The following TMEM232 variants were observed in gnomAD, a reference collection of about 807,000 sequenced individuals.
TMEM232 encodes the protein transmembrane protein 232.
A neutral mutation model predicts 78.8 loss-of-function variants in TMEM232; 80 were observed. The observed-to-expected ratio is 1.01, with a 90% CI of 0.85 to 1.22. The LOEUF is 1.22. TMEM232 is among the 50% of genes most tolerant of loss of function. The probability of loss-of-function intolerance (pLI) is 0.00; values close to 1 mark genes in which losing one functional copy is unlikely to be tolerated. For synonymous variants in TMEM232, 297 were observed against 254.3 expected (o/e 1.17, Z -1.60); for missense variants, 881 against 742.2 (o/e 1.19, Z -2.17).
intron 12 of TMEM232, among the ~76,000 whole-genome samples, chr5:110,478,170 A>G (rs1444351792): frequency 1.3e-5 from 2 of 151,936 alleles, no homozygotes; most frequent in Non-Finnish European, 2.9e-5. Flanking sequence ...GTTAATCATC[A>G]ACATCGACCC....
intron 10 of TMEM232, among the ~76,000 whole-genome samples, chr5:110,591,675 A>G (rs1779552942): frequency 2.0e-5 from 3 of 152,168 alleles, no homozygotes; most frequent in Admixed American, 2.0e-4. Flanking sequence ...GGTAATGAAA[A>G]TAAGTTTTAG....
At chr5:110,604,826 C>T (rs927699962) in intron 10 of TMEM232, among the ~76,000 whole-genome samples, 15 of 151,998 alleles carry the variant, frequency 9.9e-5, no homozygotes, top group Middle Eastern at 6.8e-3. Flanking sequence ...GGCATGGTGG[C>T]GAGTGCCTGT....
Position 110,520,050 on chromosome 5 carries a change from T to TAGAGAGAG in TMEM232, c.1703+8530_1703+8537dup, listed in dbSNP as rs1554097433. 4.7e-3 allele frequency among the ~76,000 whole-genome samples: 688 copies of TAGAGAGAG among 147,250 alleles called. 4 individuals carry two copies. The highest frequency in any genetic ancestry group is 0.024 in the East Asian group (119 of 4,986). The stretch of plus-strand genomic sequence containing the variant: ...TTATATATTTATGTATATATATATA[T>TAGAGAGAG]AGAGAGAGAGAGAGAGAGGATTAGG... On this transcript the variant is annotated intron_variant, in intron 12 of 13. Transcript: ENST00000455884.
chr5:110,524,363 AAAAGAAAG>A (rs756039290), intron 12 of TMEM232, among the ~76,000 whole-genome samples: 15,083 of 119,768 alleles, frequency 0.13, 1,143 homozygotes, highest in Non-Finnish European at 0.17. Context: ...AAGAAAGAAA[AAAAGAAAG>A]AAAGAAAGAA....
At chr5:110,710,783 A>G (rs1796392962) in intron 1 of TMEM232, among the ~76,000 whole-genome samples, 2 of 152,178 alleles carry the variant, frequency 1.3e-5, no homozygotes, top group Non-Finnish European at 2.9e-5. Context: ...AAAGCCATAT[A>G]TTTCAGACTT....
At chr5:110,508,362 A>T (rs1334470801) in intron 12 of TMEM232, among the ~76,000 whole-genome samples, 2 of 151,824 alleles carry the variant, frequency 1.3e-5, no homozygotes, top group East Asian at 3.9e-4. Context: ...GTACCCTTTA[A>T]AAAACGAGGT....
At chr5:110,488,797 T>C (rs1370755649) in intron 12 of TMEM232, among the ~76,000 whole-genome samples, 1 of 151,834 alleles carries the variant, frequency 6.6e-6, no homozygotes, top group Non-Finnish European at 1.5e-5. Flanking sequence ...TCAGCAAAAA[T>C]GACAATCCTT....
In TMEM232 at chr5:110,618,456, T is replaced by C. The variant is rs557269788; in HGVS notation, c.875A>G (p.His292Arg). The change falls in exon 8 of 14, where the codon CAT becomes CGT. Residue 292 changes from histidine to arginine, a missense_variant. Physicochemically the swap from His to Arg is conservative, Grantham distance 29. Coordinates refer to ENST00000455884, the MANE Select transcript of TMEM232 (RefSeq NM_001039763.4). The stretch of plus-strand genomic sequence containing the variant: ...GCATTTCTTTTGAAGCTGTGTCTTA[T>C]GGAAGACGAGATGTTCAAGCACGTT... ...LNNVLEHLVF[H>R]KTQLQKKCWL... is the part of the protein sequence containing the mutation. 7.8e-5 allele frequency: 121 copies of C among 1,551,362 alleles called. No homozygotes were observed. The African/African-American group carries it at 1.5e-3, about 20-fold the overall frequency.
intron 3 of TMEM232, among the ~76,000 whole-genome samples, chr5:110,397,389 TATC>T (rs1460571468): frequency 3.3e-5 from 5 of 152,172 alleles, no homozygotes; most frequent in Admixed American, 6.5e-5. Flanking sequence ...GTATAAGAAA[TATC>T]ATCTCCCTAT....
At chr5:110,492,544 A>G (rs1375190231) in intron 12 of TMEM232, among the ~76,000 whole-genome samples, 1 of 151,978 alleles carries the variant, frequency 6.6e-6, no homozygotes, top group East Asian at 1.9e-4. Context: ...GACAAATCAC[A>G]TCTACCAAAA....
At chr5:110,641,664 T>A (rs1240711774) in intron 3 of TMEM232, among the ~76,000 whole-genome samples, 4 of 152,194 alleles carry the variant, frequency 2.6e-5, no homozygotes. Context: ...GGTGGCTTAA[T>A]TTATGCACCA....
intron 4 of TMEM232, chr5:110,390,267 T>C (rs996109738): frequency 3.3e-5 from 5 of 152,206 alleles, no homozygotes; most frequent in Non-Finnish European, 7.3e-5. Flanking sequence ...GCAGGAGTCG[T>C]ACCTCACAGA....
intron 8 of TMEM232, among the ~76,000 whole-genome samples, chr5:110,612,587 C>T (rs1270299051): frequency 1.3e-5 from 2 of 152,088 alleles, no homozygotes; most frequent in East Asian, 1.9e-4. Context: ...AGTGCCTTGC[C>T]GCCCATACAG....
intron 12 of TMEM232, among the ~76,000 whole-genome samples, chr5:110,517,400 G>C (rs1768832267): frequency 6.6e-6 from 1 of 152,204 alleles, no homozygotes; most frequent in African/African-American, 2.4e-5. Context: ...TCAATGCATA[G>C]CTTAGATTTA....
Position 110,424,822 on chromosome 5 carries a change from C to A in TMEM232, c.1797+1G>T. On this transcript the variant is annotated splice_donor_variant, in intron 13 of 13. Transcript: ENST00000455884. LOFTEE classifies it high-confidence loss of function. ...GCTAGTTAAAAAAAAATCAATCTTA[C>A]GTGATGGTCAATGATTTTTGCCAAC... 1 of 1,545,414 alleles carries A rather than the reference C, an allele frequency of 6.5e-7. No homozygotes were observed.
chr5:110,629,086 G>A (rs1176087717), intron 5 of TMEM232: 4 of 151,816 alleles, frequency 2.6e-5, no homozygotes, highest in Non-Finnish European at 4.4e-5. Context: ...CTAAGAGACC[G>A]AAGTTAAATG....
chr5:110,693,021 G>A (rs1164340652), intron 1 of TMEM232, among the ~76,000 whole-genome samples: 1 of 152,202 alleles, frequency 6.6e-6, no homozygotes, highest in Non-Finnish European at 1.5e-5. Context: ...GTGGGTCCCT[G>A]ACCCCCGAGT....
At chr5:110,426,426 A>G (rs1292366819) in intron 12 of TMEM232, among the ~76,000 whole-genome samples, 9 of 152,100 alleles carry the variant, frequency 5.9e-5, no homozygotes, top group Non-Finnish European at 4.4e-5. Flanking sequence ...GATTAAATGA[A>G]TAAATGAGAA....
At chr5:110,465,986 A>C (rs934234413) in intron 12 of TMEM232, among the ~76,000 whole-genome samples, 4 of 152,206 alleles carry the variant, frequency 2.6e-5, no homozygotes, top group African/African-American at 7.2e-5. Context: ...GAGTTGAAAA[A>C]AATGATCTTT....
Sources: allele counts gnomAD v4.1 joint callset (sites outside exome capture counted in the v4.1 genomes callset), GRCh38; gene constraint gnomAD v4.1.1; transcripts MANE v1.5; gene names NCBI Gene and HGNC (gene_info 2026-07-23, HGNC 2026-07-21).